The following PDK1 variants were observed in gnomAD, a reference collection of about 807,000 sequenced individuals.
The protein encoded by PDK1 is pyruvate dehydrogenase kinase 1.
PDK1 carries 39 observed loss-of-function variants against 54.2 expected under a neutral mutation model. That is an observed-to-expected ratio of 0.72 (90% confidence interval 0.56 to 0.94). The LOEUF is 0.94. PDK1 is among the 40% of genes least tolerant of loss of function. The probability of loss-of-function intolerance (pLI) is 0.00; values close to 1 mark genes in which losing one functional copy is unlikely to be tolerated. For missense variants in PDK1, 552 were observed against 566.0 expected, an observed-to-expected ratio of 0.98 and a Z score of 0.25; for synonymous variants, 221 against 207.1, an observed-to-expected ratio of 1.07 and a Z score of -0.58.
chr2:172,698,860 T>C, the PDK1 span, among the ~76,000 whole-genome samples: 1 of 152,254 alleles, frequency 6.6e-6, no homozygotes, highest in East Asian at 1.9e-4. Context: ...CAGGTACTGG[T>C]GTTTTTTGTT....
the PDK1 span, among the ~76,000 whole-genome samples, chr2:172,633,683 C>A: frequency 1.3e-5 from 2 of 150,380 alleles, no homozygotes; most frequent in Non-Finnish European, 3.0e-5. Context: ...CAATTCAATT[C>A]TCTTCTTTTT....
intron 6 of PDK1, among the ~76,000 whole-genome samples, chr2:172,568,532 G>A (rs1349195481): frequency 1.3e-5 from 2 of 152,120 alleles, no homozygotes; most frequent in Non-Finnish European, 2.9e-5. Flanking sequence ...TGTGAGAAGT[G>A]ACCACAGGAC....
intron 9 of PDK1, among the ~76,000 whole-genome samples, chr2:172,587,565 G>T (rs572436383): frequency 1.9e-3 from 288 of 152,264 alleles, no homozygotes; most frequent in African/African-American, 6.8e-3. Context: ...AGGTAGTGTG[G>T]ACCCAAAGAG....
chr2:172,663,323 A>G, the PDK1 span, among the ~76,000 whole-genome samples: 1 of 152,190 alleles, frequency 6.6e-6, no homozygotes, highest in African/African-American at 2.4e-5. Flanking sequence ...GCCCTTGAAG[A>G]TTCCTTTTCC....
the PDK1 span, among the ~76,000 whole-genome samples, chr2:172,676,861 G>T: frequency 1.3e-5 from 2 of 152,096 alleles, no homozygotes; most frequent in Non-Finnish European, 2.9e-5. Context: ...CTTCATTGTT[G>T]TCTTGTTTTA....
At chr2:172,565,108 AC>A in intron 5 of PDK1, 35 bp downstream of exon 5, 1 of 1,225,814 alleles carries the variant, frequency 8.2e-7, no homozygotes, top group Non-Finnish European at 1.2e-6. Context: ...AAAAAAAGAT[AC>A]AAAAATCAAA....
chr2:172,714,342 C>T, the PDK1 span, among the ~76,000 whole-genome samples: 73 of 152,288 alleles, frequency 4.8e-4, no homozygotes, highest in South Asian at 0.015. Context: ...AACAACCTCT[C>T]TTCTAAGATT....
chr2:172,674,070 G>A, the PDK1 span: 1 of 152,208 alleles, frequency 6.6e-6, no homozygotes. Flanking sequence ...AATAAGGCTT[G>A]ACTAACAATT....
chr2:172,575,088 G>A lies in PDK1; in HGVS notation c.945+4264G>A, dbSNP rs143713790. ...TTATCATGAAAGGATGTTCAATTTT[G>A]TCAAGTGCTTTTTCTGTGAAGATTG... On this transcript the variant is annotated intron_variant, in intron 8 of 10. Coordinates refer to ENST00000282077, the MANE Select transcript of PDK1 (RefSeq NM_002610.5). 5.9e-5 allele frequency among the ~76,000 whole-genome samples: 9 copies of A among 152,228 alleles called. No homozygotes were observed. In the East Asian group the frequency reaches 1.5e-3, roughly 26 times the overall value.
At chr2:172,627,445 A>C in the PDK1 span, among the ~76,000 whole-genome samples, 2 of 152,252 alleles carry the variant, frequency 1.3e-5, no homozygotes, top group Non-Finnish European at 2.9e-5. Flanking sequence ...CTGACATAAA[A>C]GAGACAGCAG....
rs1690873320 is a variant in PDK1, at chr2:172,596,034, C to T, written c.*65C>T. On this transcript the variant is annotated 3_prime_UTR_variant, in exon 11 of 11. Coordinates refer to ENST00000282077, the MANE Select transcript of PDK1 (RefSeq NM_002610.5). ...TATTAAATTTGGAAGGTATGGTGTT[C>T]AGAACTATATTATACCAAGTACTTT... The T allele has an allele frequency of 1.4e-6, 2 of 1,394,494 alleles. No homozygotes were observed. The highest frequency in any genetic ancestry group is 2.0e-6 in the Non-Finnish European group (2 of 1,006,210). The allele number at this position is 1,394,494 out of a possible 1,614,324, so 86.4% of individuals were successfully genotyped here. A position where few individuals can be genotyped will look rare whatever the true frequency, so the allele number is the denominator to read the frequency against.
At chr2:172,652,705 A>T in the PDK1 span, among the ~76,000 whole-genome samples, 1 of 152,210 alleles carries the variant, frequency 6.6e-6, no homozygotes, top group Non-Finnish European at 1.5e-5. Flanking sequence ...ATCATGAGTG[A>T]ACTCCTATTC....
At chr2:172,581,873 A>G (rs748939920) in intron 8 of PDK1, among the ~76,000 whole-genome samples, 19 of 152,176 alleles carry the variant, frequency 1.2e-4, no homozygotes, top group Non-Finnish European at 2.2e-4. Flanking sequence ...TATATAATCT[A>G]TAAATAACCT....
the PDK1 span, among the ~76,000 whole-genome samples, chr2:172,622,835 A>G: frequency 6.8e-6 from 1 of 146,852 alleles, no homozygotes; most frequent in African/African-American, 2.5e-5. Flanking sequence ...TATATGTAAT[A>G]TGATATATGT....
intron 8 of PDK1, among the ~76,000 whole-genome samples, chr2:172,573,516 C>T (rs933989392): frequency 6.9e-6 from 1 of 145,460 alleles, no homozygotes; most frequent in African/African-American, 2.5e-5. Context: ...TATATATATA[C>T]ACACACATAC....
chr2:172,706,267 C>CT, the PDK1 span, among the ~76,000 whole-genome samples: 151 of 142,710 alleles, frequency 1.1e-3, no homozygotes, highest in African/African-American at 2.9e-3. Context: ...TTAGGATTGC[C>CT]TTTTTTTTTT....
chr2:172,709,083 C>A, the PDK1 span, among the ~76,000 whole-genome samples: 1 of 151,948 alleles, frequency 6.6e-6, no homozygotes, highest in Non-Finnish European at 1.5e-5. Flanking sequence ...GTTTTTAAAC[C>A]TTTGCAGGTA....
chr2:172,705,700 A>G, the PDK1 span, among the ~76,000 whole-genome samples: 3 of 152,228 alleles, frequency 2.0e-5, no homozygotes, highest in Admixed American at 1.3e-4. Context: ...GAATGAAAAA[A>G]CTATTTATAC....
At chr2:172,713,692 C>T in the PDK1 span, among the ~76,000 whole-genome samples, 1 of 152,234 alleles carries the variant, frequency 6.6e-6, no homozygotes, top group Non-Finnish European at 1.5e-5. Flanking sequence ...TGTGCCTGTG[C>T]GGACAGGGGG....
Sources: gnomAD v4.1 joint callset for allele counts (sites outside exome capture counted in the v4.1 genomes callset) on GRCh38, gnomAD v4.1.1 for gene constraint, MANE v1.5 for transcripts, NCBI Gene and HGNC (gene_info 2026-07-23, HGNC 2026-07-21) for gene names.